Variants in EIPR1 observed in about 807,000 individuals in gnomAD.
EIPR1 encodes the protein EARP complex and GARP complex interacting protein 1, also known as EARP and GARP complex-interacting protein 1.
In EIPR1, 25 loss-of-function variants were observed where a neutral mutation model predicts 48.1. That is an observed-to-expected ratio of 0.52 (90% CI 0.38 to 0.73). The LOEUF is 0.73. EIPR1 is among the 30% of genes least tolerant of loss of function. EIPR1 has a pLI of 0.00. For synonymous variants in EIPR1, 204 were observed against 201.9 expected (o/e 1.01, Z -0.09); for missense variants, 415 against 506.2 (o/e 0.82, Z 1.73).
At chr2:3,315,034 C>G (rs1669243842) in intron 3 of EIPR1, among the ~76,000 whole-genome samples, 3 of 150,756 alleles carry the variant, frequency 2.0e-5, no homozygotes, top group South Asian at 4.2e-4. Context: ...ATGTCCCCAC[C>G]ATCACCCGCC....
At chr2:3,204,159 G>A (rs770064237) in intron 5 of EIPR1, among the ~76,000 whole-genome samples, 2 of 152,216 alleles carry the variant, frequency 1.3e-5, no homozygotes, top group Non-Finnish European at 2.9e-5. Flanking sequence ...GCTCAGAGGC[G>A]GGCTGTGGCC....
Position 3,189,171 on chromosome 2 carries a change from C to T in EIPR1, c.*163G>A, listed in dbSNP as rs1664509722. The T allele has an allele frequency of 1.5e-6, 1 of 686,940 alleles. No individual in the cohort carries two copies. The highest frequency in any genetic ancestry group is 3.4e-5 in the Admixed American group (1 of 29,130). 42.6% of individuals were successfully genotyped at this position (686,940 alleles called of 1,614,324 possible). On this transcript the variant is annotated 3_prime_UTR_variant, in exon 9 of 9. Coordinates refer to ENST00000382125, the MANE Select transcript of EIPR1 (RefSeq NM_003310.5). This position sits in a 1 kb window ranked among gnomAD's most constrained non-coding sequence, Gnocchi z 4.6. ...TTAGCTGTGCCGTCGACAATAGCCC[C>T]ATTCACCCCATTCATAAATGCTGCT...
intron 3 of EIPR1, among the ~76,000 whole-genome samples, chr2:3,328,823 G>A (rs1669786297): frequency 1.6e-5 from 2 of 124,046 alleles, no homozygotes; most frequent in African/African-American, 3.1e-5. Context: ...CACCCACCAC[G>A]CTCTAATGAT....
At chr2:3,368,486 G>T (rs1050329971) in intron 1 of EIPR1, among the ~76,000 whole-genome samples, 11 of 152,204 alleles carry the variant, frequency 7.2e-5, no homozygotes, top group African/African-American at 2.6e-4. Flanking sequence ...CTTGCCGCTG[G>T]TCCATCTTAG....
At chr2:3,238,653 A>C (rs1231949451) in intron 4 of EIPR1, among the ~76,000 whole-genome samples, 1 of 152,212 alleles carries the variant, frequency 6.6e-6, no homozygotes, top group African/African-American at 2.4e-5. Flanking sequence ...ATTAACTCTG[A>C]ATAACTTCAG....
chr2:3,314,237 G>A lies in EIPR1; in HGVS notation c.259+23780C>T, dbSNP rs115520821. ...ATCCCAGTTCTAACGTGGGACGCTC[G>A]TTCCCAAGTACAGAGGCAGGAGATT... On this transcript the variant is annotated intron_variant, in intron 3 of 8. Coordinates refer to ENST00000382125, the MANE Select transcript of EIPR1 (RefSeq NM_003310.5). 7.5e-3 allele frequency among the ~76,000 whole-genome samples: 1,137 copies of A among 152,242 alleles called. 14 individuals carry two copies. The highest frequency in any genetic ancestry group is 0.026 in the African/African-American group (1,091 of 41,528).
chr2:3,318,378 A>G (rs1187683658), intron 3 of EIPR1, among the ~76,000 whole-genome samples: 3 of 152,228 alleles, frequency 2.0e-5, no homozygotes, highest in Non-Finnish European at 4.4e-5. Flanking sequence ...GGGCTGCTCC[A>G]GGGACCAAGT....
At chr2:3,304,275 A>G (rs569373812) in intron 3 of EIPR1, among the ~76,000 whole-genome samples, 1 of 152,302 alleles carries the variant, frequency 6.6e-6, no homozygotes, top group East Asian at 1.9e-4. Flanking sequence ...GGGCTGAGGA[A>G]CAAAGTGTCC....
intron 3 of EIPR1, among the ~76,000 whole-genome samples, chr2:3,318,283 C>T (rs183525481): frequency 3.8e-4 from 58 of 152,308 alleles, no homozygotes; most frequent in African/African-American, 1.4e-3. Flanking sequence ...GTCTAAGCAC[C>T]CCCTCGTGGG....
chr2:3,335,817 C>A (rs529957053), intron 3 of EIPR1, among the ~76,000 whole-genome samples: 2 of 152,182 alleles, frequency 1.3e-5, no homozygotes, highest in Non-Finnish European at 2.9e-5. Context: ...CGTCACCCCC[C>A]ACTGTGATTG....
At chr2:3,340,809 T>A (rs1363764613) in intron 2 of EIPR1, among the ~76,000 whole-genome samples, 1 of 151,998 alleles carries the variant, frequency 6.6e-6, no homozygotes, top group Non-Finnish European at 1.5e-5. Flanking sequence ...AACAATAGAA[T>A]GGGTAGGCCA....
chr2:3,209,087 CAT>C (rs1665346761), intron 5 of EIPR1: 1 of 1,402,466 alleles, frequency 7.1e-7, no homozygotes, highest in African/African-American at 1.4e-5. Flanking sequence ...ACACCCGTTC[CAT>C]GTTTCTCTCA....
At chr2:3,196,231 G>A (rs1019650234) in intron 6 of EIPR1, among the ~76,000 whole-genome samples, 1 of 152,222 alleles carries the variant, frequency 6.6e-6, no homozygotes, top group African/African-American at 2.4e-5. Flanking sequence ...ACGAGTTATT[G>A]CATGACATCC....
intron 5 of EIPR1, among the ~76,000 whole-genome samples, chr2:3,197,544 G>A (rs924119988): frequency 1.3e-5 from 2 of 152,174 alleles, no homozygotes; most frequent in South Asian, 2.1e-4. Context: ...CCTCAGCAAG[G>A]CCCTCTGGGG....
At chr2:3,193,185 G>A (rs1664671186) in intron 7 of EIPR1, among the ~76,000 whole-genome samples, 1 of 152,242 alleles carries the variant, frequency 6.6e-6, no homozygotes, top group Non-Finnish European at 1.5e-5. Flanking sequence ...CAGGGGCACA[G>A]GGAGGCCCAG....
intron 2 of EIPR1, among the ~76,000 whole-genome samples, chr2:3,349,203 C>T (rs1429684972): frequency 1.3e-5 from 2 of 152,132 alleles, no homozygotes; most frequent in South Asian, 2.1e-4. Context: ...GTTTCAGTCC[C>T]GATTCTGCCA....
chr2:3,203,721 C>T (rs1254841855), intron 5 of EIPR1, among the ~76,000 whole-genome samples: 3 of 152,242 alleles, frequency 2.0e-5, no homozygotes, highest in Non-Finnish European at 4.4e-5. Context: ...CTGACCAGCA[C>T]CGCAGGGCGG....
Position 3,189,833 on chromosome 2 carries a change from T to C in EIPR1, c.990-325A>G, listed in dbSNP as rs575526152. 1.1e-4 allele frequency among the ~76,000 whole-genome samples: 17 copies of C among 152,274 alleles called. No individual in the cohort carries two copies. The East Asian group carries it at 3.3e-3, about 29-fold the overall frequency. ...CTGGGTTGATATTTTGTTGGAGGTC[T>C]TCCAAGGGCTTCCTTTAGCTCAGGG... On this transcript the variant is annotated intron_variant, in intron 8 of 8. Transcript: ENST00000382125. This position sits in a 1 kb window ranked among gnomAD's most constrained non-coding sequence, Gnocchi z 4.6.
chr2:3,332,634 A>G (rs1285533134), intron 3 of EIPR1, among the ~76,000 whole-genome samples: 3 of 152,344 alleles, frequency 2.0e-5, no homozygotes, highest in Non-Finnish European at 2.9e-5. Context: ...AGTCCTGTCG[A>G]GACAGCTTCT....
Sources: allele counts gnomAD v4.1 joint callset (sites outside exome capture counted in the v4.1 genomes callset), GRCh38; gene constraint gnomAD v4.1.1; non-coding constraint Gnocchi (gnomAD v3.1); transcripts MANE v1.5; gene names NCBI Gene and HGNC (gene_info 2026-07-23, HGNC 2026-07-21).